PRKAR1B: variants seen among roughly 807,000 people sequenced by gnomAD.
The protein encoded by PRKAR1B is cAMP-dependent protein kinase type I-beta regulatory subunit.
Under a neutral mutation model 46.5 loss-of-function variants are expected in PRKAR1B, and 22 were observed. That is an observed-to-expected ratio of 0.47 (90% CI 0.34 to 0.68). PRKAR1B has a LOEUF of 0.68. Ranked by LOEUF, PRKAR1B falls within the 30% of genes least tolerant of loss-of-function variation. The pLI is 0.01. For synonymous variants in PRKAR1B, 259 were observed against 217.7 expected, an observed-to-expected ratio of 1.19 and a Z score of -1.67; for missense variants, 445 against 535.6, an observed-to-expected ratio of 0.83 and a Z score of 1.67.
At chr7:685,558 G>A (rs1362544995) in intron 2 of PRKAR1B, among the ~76,000 whole-genome samples, 1 of 151,162 alleles carries the variant, frequency 6.6e-6, no homozygotes, top group African/African-American at 2.4e-5. Context: ...AAGATTTTCA[G>A]TCCTAGTAAA....
chr7:645,392 T>C (rs1286904843), intron 4 of PRKAR1B, among the ~76,000 whole-genome samples: 3 of 152,208 alleles, frequency 2.0e-5, no homozygotes. Flanking sequence ...GGCTCAAGCC[T>C]GTAATCCCAG....
chr7:728,412 T>C (rs760523105), upstream of PRKAR1B, among the ~76,000 whole-genome samples: 1 of 152,032 alleles, frequency 6.6e-6, no homozygotes, highest in Non-Finnish European at 1.5e-5. Flanking sequence ...TAGACCCGAG[T>C]TCAGGTTGTT....
At chr7:711,243 A>T (rs1780608853) in intron 2 of PRKAR1B, 86 bp downstream of exon 2, 1 of 1,539,810 alleles carries the variant, frequency 6.5e-7, no homozygotes, top group African/African-American at 1.4e-5. Flanking sequence ...TTCGAGGACC[A>T]CGGGACAGAG....
At chr7:551,207 C>G (rs908356840) in intron 10 of PRKAR1B, among the ~76,000 whole-genome samples, 182 bp downstream of exon 10, 3 of 152,126 alleles carry the variant, frequency 2.0e-5, no homozygotes, top group African/African-American at 7.2e-5. Flanking sequence ...AGACCTGGCC[C>G]TGGGACTTCA....
At chr7:650,456 G>A (rs1437214716) in intron 4 of PRKAR1B, among the ~76,000 whole-genome samples, 1 of 151,746 alleles carries the variant, frequency 6.6e-6, no homozygotes, top group African/African-American at 2.4e-5. Context: ...CACACCGGCT[G>A]CACCTCCGAA....
At chr7:680,234 C>T (rs1315610525) in intron 3 of PRKAR1B, among the ~76,000 whole-genome samples, 2 of 151,976 alleles carry the variant, frequency 1.3e-5, no homozygotes, top group Admixed American at 6.6e-5. Flanking sequence ...AGGACAGAGC[C>T]TCTGCTCACT....
rs893185034 is a variant in PRKAR1B at position 574,347 on chromosome 7, A to T, written c.891+4909T>A. Among the ~76,000 whole-genome samples the T allele has an allele frequency of 7.9e-5, 12 of 152,252 alleles. 1 individual carries two copies. The highest frequency in any genetic ancestry group is 7.2e-4 in the Admixed American group (11 of 15,288). On this transcript the variant is annotated intron_variant, in intron 9 of 10. Transcript: ENST00000537384. ...AAGCTGGGAAGCCTTTCACACCAGA[A>T]GGGGCATCTGCCTCTCAGCTCCAGC...
chr7:647,079 G>A (rs138719235), intron 4 of PRKAR1B, among the ~76,000 whole-genome samples: 133 of 152,310 alleles, frequency 8.7e-4, no homozygotes, highest in African/African-American at 2.9e-3. Context: ...AACATGGCCG[G>A]CCAGAGCCAC....
chr7:598,617 C>T (rs1326196661), intron 6 of PRKAR1B, among the ~76,000 whole-genome samples: 2 of 150,628 alleles, frequency 1.3e-5, no homozygotes, highest in African/African-American at 2.5e-5. Flanking sequence ...AACATCATCA[C>T]CCTCCCTCCA....
intron 9 of PRKAR1B, among the ~76,000 whole-genome samples, chr7:552,603 C>T (rs1414535220): frequency 1.3e-5 from 2 of 152,228 alleles, no homozygotes; most frequent in Admixed American, 6.5e-5. Context: ...CGGGACCTGC[C>T]CAGAGACCAC....
intron 9 of PRKAR1B, among the ~76,000 whole-genome samples, chr7:557,499 C>G (rs943654734): frequency 6.6e-6 from 1 of 152,244 alleles, no homozygotes; most frequent in African/African-American, 2.4e-5. Context: ...CCTGCGCACC[C>G]ATGGACATCT....
At chr7:601,286 C>G (rs749935797) in intron 6 of PRKAR1B, among the ~76,000 whole-genome samples, 24 of 152,352 alleles carry the variant, frequency 1.6e-4, no homozygotes, top group Admixed American at 7.8e-4. Context: ...ACCCAGGGTA[C>G]ATCCATCCCA....
chr7:553,197 T>C (rs139863254), intron 9 of PRKAR1B, among the ~76,000 whole-genome samples: 1 of 152,326 alleles, frequency 6.6e-6, no homozygotes, highest in East Asian at 1.9e-4. Flanking sequence ...CCGCTGACAC[T>C]AGAGCCGCTG....
At chr7:568,795 G>A (rs1264668112) in intron 9 of PRKAR1B, among the ~76,000 whole-genome samples, 1 of 152,206 alleles carries the variant, frequency 6.6e-6, no homozygotes, top group Non-Finnish European at 1.5e-5. Context: ...TTGCTGCCAG[G>A]AATCTGGTCA....
At chr7:601,131 T>C (rs1301399175) in intron 6 of PRKAR1B, among the ~76,000 whole-genome samples, 4 of 152,208 alleles carry the variant, frequency 2.6e-5, no homozygotes, top group African/African-American at 4.8e-5. Context: ...GACGGCTTCC[T>C]GATGGGCCTC....
At position 672,841 on chromosome 7, in the gene PRKAR1B, T is replaced by C. The variant is rs371656578; in HGVS notation, c.440+4388A>G. Among the ~76,000 whole-genome samples the C allele has an allele frequency of 5.3e-5, 8 of 151,860 alleles. 1 individual carries two copies. The highest frequency in any genetic ancestry group is 3.9e-4 in the East Asian group (2 of 5,146). ...AAGATTGCAAGACTGCACTCCCGCC[T>C]GGGCAAGAAGAGTGAAACTCCATCT... On this transcript the variant is annotated intron_variant, in intron 4 of 10. Coordinates refer to ENST00000537384, the MANE Select transcript of PRKAR1B (RefSeq NM_001164760.2).
chr7:643,465 G>A (rs1396428158), intron 4 of PRKAR1B, among the ~76,000 whole-genome samples: 1 of 151,550 alleles, frequency 6.6e-6, no homozygotes, highest in African/African-American at 2.4e-5. Flanking sequence ...GCTCATGCCT[G>A]TAATCCCAGC....
chr7:663,332 A>G (rs141311981), intron 4 of PRKAR1B, among the ~76,000 whole-genome samples: 1,592 of 152,244 alleles, frequency 0.01, 31 homozygotes, highest in East Asian at 0.1. Flanking sequence ...AGCCTCAAGC[A>G]ATCCTCCCAC....
rs150157074 is a variant in PRKAR1B at position 564,299 on chromosome 7, C to T, written c.892-12829G>A. On this transcript the variant is annotated intron_variant, in intron 9 of 10. Coordinates refer to ENST00000537384, the MANE Select transcript of PRKAR1B (RefSeq NM_001164760.2). Reference sequence around the variant, plus strand: ...CCGCCGCCCCCAGCGTCAGCCCATCCAGCCTCAGGCCTCCTCCCAGGTCCT... The same window carrying T: ...CCGCCGCCCCCAGCGTCAGCCCATCTAGCCTCAGGCCTCCTCCCAGGTCCT... 3.6e-3 allele frequency among the ~76,000 whole-genome samples: 552 copies of T among 152,342 alleles called. 1 individual carries two copies. The highest frequency in any genetic ancestry group is 0.013 in the African/African-American group (523 of 41,588).
Sources: gnomAD v4.1 joint callset for allele counts (sites outside exome capture counted in the v4.1 genomes callset) on GRCh38, gnomAD v4.1.1 for gene constraint, MANE v1.5 for transcripts, NCBI Gene and HGNC (gene_info 2026-07-23, HGNC 2026-07-21) for gene names.